The following RARS1 variants were observed in gnomAD, a reference collection of about 807,000 sequenced individuals.
The protein encoded by RARS1 is arginyl-tRNA synthetase 1.
In RARS1, 75 loss-of-function variants were observed where a neutral mutation model predicts 78.7. The observed-to-expected ratio is 0.95, with a 90% CI of 0.79 to 1.15. The LOEUF (loss-of-function observed/expected upper bound fraction) is 1.15. Among genes scored for constraint, RARS1 ranks in the 50% most tolerant of loss-of-function variants. RARS1 has a pLI of 0.00. For missense variants in RARS1, 787 were observed against 787.5 expected, an observed-to-expected ratio of 1.00 and a Z score of 0.01; for synonymous variants, 273 against 268.2, an observed-to-expected ratio of 1.02 and a Z score of -0.18.
intron 11 of RARS1, among the ~76,000 whole-genome samples, chr5:168,507,704 T>C (rs1758475520): frequency 6.6e-6 from 1 of 152,166 alleles, no homozygotes; most frequent in Non-Finnish European, 1.5e-5. Context: ...CATTTTCTAA[T>C]TGCGTTTCTT....
chr5:168,512,151 G>T (rs759185564), intron 12 of RARS1, among the ~76,000 whole-genome samples: 20 of 152,136 alleles, frequency 1.3e-4, no homozygotes, highest in Admixed American at 2.6e-4. Context: ...ACACCCAGCT[G>T]TAGTTCATTT....
chr5:168,503,147 T>G (rs894919968), intron 9 of RARS1, among the ~76,000 whole-genome samples: 1 of 152,238 alleles, frequency 6.6e-6, no homozygotes, highest in African/African-American at 2.4e-5. Flanking sequence ...TTTGTCATAT[T>G]AAGATTGATT....
rs549552677 is a variant in RARS1 at position 168,504,686 on chromosome 5, G to A, written c.1058-1335G>A. Among the ~76,000 whole-genome samples, 7 of 151,918 alleles carry A rather than the reference G, an allele frequency of 4.6e-5. 1 individual carries two copies. The highest frequency in any genetic ancestry group is 4.2e-4 in the South Asian group (2 of 4,806). On this transcript the variant is annotated intron_variant, in intron 9 of 14. Transcript: ENST00000231572. Reference sequence around the variant, plus strand: ...TAAAAATACAAAAAATTAGCTGGGCGTGTTGGCAGGTGCCTGTATTCCCAG... The same window carrying A: ...TAAAAATACAAAAAATTAGCTGGGCATGTTGGCAGGTGCCTGTATTCCCAG...
At chr5:168,503,409 A>AT (rs1229507394) in intron 9 of RARS1, among the ~76,000 whole-genome samples, 2 of 152,142 alleles carry the variant, frequency 1.3e-5, no homozygotes, top group Admixed American at 6.6e-5. Context: ...GAAGTGCTTG[A>AT]TTTTTTTATC....
Position 168,488,711 on chromosome 5 carries a change from A to C in RARS1, c.155A>C (p.Lys52Thr). ...EQLQEENLKL[K>T]YRLNILRKSL... Reference sequence around the variant, plus strand: ...TTACAAGAAGAAAATTTAAAATTAAAGTATCGACTGAATATTCTTCGAAAG... The same window carrying C: ...TTACAAGAAGAAAATTTAAAATTAACGTATCGACTGAATATTCTTCGAAAG... Residue 52 changes from lysine to threonine, a missense_variant, in exon 2 of 15, where the codon AAG becomes ACG. Transcript: ENST00000231572. 6.2e-7 allele frequency: 1 copy of C among 1,610,584 alleles called. No homozygotes were observed. The highest frequency in any genetic ancestry group is 2.2e-5 in the East Asian group (1 of 44,820).
At chr5:168,500,854 T>C in intron 8 of RARS1, 134 bp downstream of exon 8, 1 of 1,146,224 alleles carries the variant, frequency 8.7e-7, no homozygotes, top group Non-Finnish European at 1.2e-6. Flanking sequence ...CTTAAATGTA[T>C]TTCTGAAACA....
intron 2 of RARS1, among the ~76,000 whole-genome samples, chr5:168,491,676 A>G (rs1049355187): frequency 6.6e-6 from 1 of 152,214 alleles, no homozygotes; most frequent in Admixed American, 6.5e-5. Context: ...TGTAGCCCAC[A>G]TAGAAATAGT....
Position 168,517,952 on chromosome 5 carries a change from T to C in RARS1, c.1763T>C (p.Ile588Thr), listed in dbSNP as rs779245925. 6.2e-7 allele frequency: 1 copy of C among 1,613,896 alleles called. No homozygotes were observed. Among genetic ancestry groups the C allele is most frequent in the East Asian group, 2.2e-5 (1 of 44,878 alleles). The change falls in exon 14 of 15, where the codon ATT becomes ACT. Residue 588 changes from isoleucine to threonine, a missense_variant. Coordinates refer to ENST00000231572, the MANE Select transcript of RARS1 (RefSeq NM_002887.4). Reference protein sequence around the residue: ...ILRFPEILQKILDDLFLHTLC... With the variant: ...ILRFPEILQKTLDDLFLHTLC... ...CGGTTCCCTGAGATTCTGCAAAAGA[T>C]TTTAGATGACTTATTTCTCCACACT... is the stretch of plus-strand genomic sequence containing the variant.
In RARS1 at chr5:168,519,180, A is replaced by C; in HGVS notation, c.1973A>C (p.Gln658Pro). 2 of 1,612,196 alleles carry C rather than the reference A, an allele frequency of 1.2e-6. No homozygotes were observed. Among genetic ancestry groups the C allele is most frequent in the Non-Finnish European group, 8.5e-7 (1 of 1,178,416 alleles). Residue 658 changes from glutamine to proline, a missense_variant, in exon 15 of 15, where the codon CAA becomes CCA. Transcript: ENST00000231572. ...GFDILGIKPV[Q>P]RM is the part of the protein sequence containing the mutation. ...GATATCCTGGGAATAAAACCTGTCC[A>C]AAGGATGTAATCCTTCATAGGTTTG...
chr5:168,486,989 C>T (rs1757977948), intron 1 of RARS1, among the ~76,000 whole-genome samples: 1 of 152,168 alleles, frequency 6.6e-6, no homozygotes, highest in African/African-American at 2.4e-5. Context: ...CTAATAAGCC[C>T]ATGGGGTGAT....
At chr5:168,507,680 CT>C in intron 11 of RARS1, among the ~76,000 whole-genome samples, 1 of 152,262 alleles carries the variant, frequency 6.6e-6, no homozygotes, top group East Asian at 1.9e-4. Context: ...GCTCAAAGAC[CT>C]TGTTGGGAAC....
chr5:168,518,131 T>C (rs1269735328), intron 14 of RARS1, 69 bp downstream of exon 14: 1 of 1,346,994 alleles, frequency 7.4e-7, no homozygotes, highest in Non-Finnish European at 9.5e-7. Context: ...TCCCTTGGGC[T>C]GGAGTACGGT....
intron 7 of RARS1, 140 bp from the exon 8 acceptor site, chr5:168,500,451 C>T: frequency 1.3e-6 from 1 of 792,890 alleles, no homozygotes; most frequent in African/African-American, 1.8e-5. Flanking sequence ...GTATTCTCAA[C>T]TATTGAGGGA....
intron 2 of RARS1, among the ~76,000 whole-genome samples, chr5:168,491,637 T>G (rs1758086698): frequency 6.6e-6 from 1 of 152,210 alleles, no homozygotes; most frequent in Admixed American, 6.5e-5. Flanking sequence ...TTCCACTTAT[T>G]CTGTCTTGTC....
At chr5:168,511,195 ATTT>A (rs112853562) in intron 12 of RARS1, among the ~76,000 whole-genome samples, 14 of 144,052 alleles carry the variant, frequency 9.7e-5, no homozygotes, top group East Asian at 8.1e-4. Flanking sequence ...AACAAGAAAA[ATTT>A]TTTTTTTTTT....
At chr5:168,518,192 T>C in intron 14 of RARS1, 130 bp downstream of exon 14, 1 of 1,134,776 alleles carries the variant, frequency 8.8e-7, no homozygotes, top group Non-Finnish European at 1.2e-6. Context: ...CAAGTGATTC[T>C]CCCACTTGAG....
intron 13 of RARS1, 82 bp from the exon 14 acceptor site, chr5:168,517,733 T>G (rs1758700516): frequency 7.9e-6 from 11 of 1,391,916 alleles, no homozygotes; most frequent in Non-Finnish European, 2.8e-6. Flanking sequence ...TTTTAATCGG[T>G]GATAATTTCG....
At chr5:168,501,980 G>C (rs752754476) in intron 8 of RARS1, 21 bp from the exon 9 acceptor site, 1 of 1,573,974 alleles carries the variant, frequency 6.4e-7, no homozygotes, top group African/African-American at 1.4e-5. Context: ...TTATTTGGTG[G>C]CATTTTATTT....
chr5:168,488,663 G>A lies in RARS1; in HGVS notation c.107G>A (p.Gly36Glu). The A allele has an allele frequency of 6.2e-7, 1 of 1,612,904 alleles. No homozygotes were observed. Among genetic ancestry groups the A allele is most frequent in the Non-Finnish European group, 8.5e-7 (1 of 1,179,696 alleles). Residue 36 changes from glycine to glutamate, a missense_variant, in exon 2 of 15, where the codon GGA (glycine) becomes GAA (glutamate). Coordinates refer to ENST00000231572, the MANE Select transcript of RARS1 (RefSeq NM_002887.4). ...IDRLKNCGCLGASPNLEQLQE... is the reference protein window; with the variant it reads ...IDRLKNCGCLEASPNLEQLQE... The stretch of plus-strand genomic sequence containing the variant: ...CGGTTGAAAAACTGTGGCTGTTTAG[G>A]AGCTTCTCCAAATTTGGAGCAGTTA...
Sources: allele counts gnomAD v4.1 joint callset (sites outside exome capture counted in the v4.1 genomes callset), GRCh38; gene constraint gnomAD v4.1.1; transcripts MANE v1.5; gene names NCBI Gene and HGNC (gene_info 2026-07-23, HGNC 2026-07-21).